The following PMS1 variants were observed in gnomAD, a reference collection of about 807,000 sequenced individuals.
PMS1 encodes the protein PMS1 protein homolog 1.
Under a neutral mutation model 93.1 loss-of-function variants are expected in PMS1, and 79 were observed. That is an observed-to-expected ratio of 0.85 (90% CI 0.71 to 1.02). The LOEUF (loss-of-function observed/expected upper bound fraction) is 1.02, where lower values mean the gene tolerates loss of function less well. Among genes scored for constraint, PMS1 ranks in the 50% least tolerant of loss-of-function variants. The probability of loss-of-function intolerance (pLI) is 0.00; values close to 1 mark genes in which losing one functional copy is unlikely to be tolerated. For synonymous variants in PMS1, 335 were observed against 363.4 expected, an observed-to-expected ratio of 0.92 and a Z score of 0.89; for missense variants, 1,064 against 1,085.3, an observed-to-expected ratio of 0.98 and a Z score of 0.28.
intron 6 of PMS1, among the ~76,000 whole-genome samples, chr2:189,852,358 T>TTTC (rs1420106757): frequency 6.6e-6 from 1 of 152,206 alleles, no homozygotes; most frequent in Non-Finnish European, 1.5e-5. Flanking sequence ...ATAGATTGAA[T>TTTC]GCTCTATGTC....
chr2:189,809,781 G>C (rs1031389552), intron 4 of PMS1, among the ~76,000 whole-genome samples: 4 of 152,060 alleles, frequency 2.6e-5, no homozygotes, highest in Non-Finnish European at 1.5e-5. Context: ...GCAGTGAGCC[G>C]AGATTGTGCC....
At chr2:189,855,705 T>C (rs1384980950) in intron 9 of PMS1, 1 of 186,356 alleles carries the variant, frequency 5.4e-6, no homozygotes, top group Non-Finnish European at 1.3e-5. Context: ...CTATAGTGGG[T>C]ATTTTTATTA....
At chr2:189,823,097 A>G (rs1168206561) in intron 5 of PMS1, among the ~76,000 whole-genome samples, 2 of 151,924 alleles carry the variant, frequency 1.3e-5, no homozygotes, top group African/African-American at 2.4e-5. Context: ...TTTATTTTAC[A>G]TAATTCATGT....
At chr2:189,844,657 A>C (rs1203737939) in intron 6 of PMS1, among the ~76,000 whole-genome samples, 4 of 151,078 alleles carry the variant, frequency 2.6e-5, no homozygotes, top group African/African-American at 4.9e-5. Context: ...AAAAAAAAAA[A>C]AAAAAACTGT....
At position 189,863,978 on chromosome 2, in the gene PMS1, C is replaced by T. The variant is rs907399697; in HGVS notation, c.2092C>T (p.Gln698Ter). The change falls in exon 10 of 13, where the codon CAG becomes TAG. Residue 698 changes from glutamine (Q) to a stop codon, truncating the protein, a stop_gained. Transcript: ENST00000441310. LOFTEE classifies it high-confidence loss of function. ...KRRSQNIKMV[Q>*]IPFSMKNLKI... is the part of the protein sequence containing the mutation. Reference sequence around the variant, plus strand: ...AAGGAGTCAAAATATTAAAATGGTACAGATCCCCTTTTCTATGAAAAACTT... The same window carrying T: ...AAGGAGTCAAAATATTAAAATGGTATAGATCCCCTTTTCTATGAAAAACTT... 5.6e-6 allele frequency: 9 copies of T among 1,607,292 alleles called. No individual in the cohort carries two copies. Among genetic ancestry groups the T allele is most frequent in the Non-Finnish European group, 7.7e-6 (9 of 1,174,800 alleles).
chr2:189,794,826 A>G (rs1330816672), intron 2 of PMS1, among the ~76,000 whole-genome samples: 7 of 152,134 alleles, frequency 4.6e-5, no homozygotes, highest in African/African-American at 1.4e-4. Context: ...ATCTGATATG[A>G]TGGCTCACAC....
chr2:189,813,956 C>T (rs1018656748), intron 4 of PMS1, among the ~76,000 whole-genome samples: 6 of 152,098 alleles, frequency 3.9e-5, no homozygotes, highest in Non-Finnish European at 7.4e-5. Flanking sequence ...GAGGAAACAT[C>T]TAGGGGAACA....
At chr2:189,812,951 GA>G (rs1340533934) in intron 4 of PMS1, among the ~76,000 whole-genome samples, 1 of 152,148 alleles carries the variant, frequency 6.6e-6, no homozygotes, top group Non-Finnish European at 1.5e-5. Flanking sequence ...TGAGCCACTG[GA>G]ATTTATTTTA....
At chr2:189,839,722 TG>T (rs2053666923) in intron 5 of PMS1, among the ~76,000 whole-genome samples, 1 of 152,232 alleles carries the variant, frequency 6.6e-6, no homozygotes, top group Non-Finnish European at 1.5e-5. Flanking sequence ...TTTAAGATTT[TG>T]CTTTCTTTTT....
intron 11 of PMS1, among the ~76,000 whole-genome samples, chr2:189,872,306 G>A (rs927777521): frequency 2.0e-5 from 3 of 152,190 alleles, no homozygotes; most frequent in Non-Finnish European, 4.4e-5. Flanking sequence ...GATGTAGTCT[G>A]TAATTGGGAA....
chr2:189,866,974 C>T (rs909972171), intron 10 of PMS1, among the ~76,000 whole-genome samples: 2 of 152,140 alleles, frequency 1.3e-5, no homozygotes, highest in Non-Finnish European at 1.5e-5. Flanking sequence ...ATAGCCAAAG[C>T]TCTCTTCTCT....
chr2:189,859,919 A>G (rs2055768116), intron 9 of PMS1, among the ~76,000 whole-genome samples: 1 of 152,226 alleles, frequency 6.6e-6, no homozygotes. Context: ...AGTATTATAT[A>G]CAAAAAATTT....
At chr2:189,845,804 C>T (rs2054204630) in intron 6 of PMS1, among the ~76,000 whole-genome samples, 3 of 152,092 alleles carry the variant, frequency 2.0e-5, no homozygotes, top group Admixed American at 2.0e-4. Context: ...AGTTTTTGCA[C>T]ACTGCAACTT....
chr2:189,800,475 A>G (rs1300614332), intron 3 of PMS1, among the ~76,000 whole-genome samples: 1 of 152,208 alleles, frequency 6.6e-6, no homozygotes, highest in Non-Finnish European at 1.5e-5. Flanking sequence ...AGTCAGTTAC[A>G]TTTAAAAATA....
At chr2:189,811,311 G>A (rs1466216193) in intron 4 of PMS1, among the ~76,000 whole-genome samples, 1 of 151,724 alleles carries the variant, frequency 6.6e-6, no homozygotes, top group East Asian at 1.9e-4. Context: ...CTGAGGGCTG[G>A]GCACGGTGGC....
intron 7 of PMS1, among the ~76,000 whole-genome samples, chr2:189,853,527 T>A (rs1488132017): frequency 6.6e-6 from 1 of 151,762 alleles, no homozygotes; most frequent in East Asian, 1.9e-4. Context: ...TTTCTTTTTT[T>A]TTTTTTGAGA....
chr2:189,847,967 C>T (rs929638104), intron 6 of PMS1, among the ~76,000 whole-genome samples: 6 of 151,984 alleles, frequency 3.9e-5, no homozygotes, highest in Non-Finnish European at 5.9e-5. Context: ...TTTTCTTGGC[C>T]GGGGGAAAAT....
intron 4 of PMS1, among the ~76,000 whole-genome samples, chr2:189,810,964 T>A (rs1432805149): frequency 6.7e-6 from 1 of 148,374 alleles, no homozygotes; most frequent in Non-Finnish European, 1.5e-5. Flanking sequence ...ATAACCCAGA[T>A]GTTTGAATTA....
chr2:189,801,398 G>C (rs1216199892), intron 3 of PMS1, among the ~76,000 whole-genome samples: 1 of 152,142 alleles, frequency 6.6e-6, no homozygotes. Flanking sequence ...TGACTGGGTT[G>C]AAATAGAGAG....
Sources: gnomAD v4.1 joint callset for allele counts (sites outside exome capture counted in the v4.1 genomes callset) on GRCh38, gnomAD v4.1.1 for gene constraint, MANE v1.5 for transcripts, NCBI Gene and HGNC (gene_info 2026-07-23, HGNC 2026-07-21) for gene names.